UNC13C: variants seen among roughly 807,000 people sequenced by gnomAD.
UNC13C encodes the protein unc-13 homolog C, also known as protein unc-13 homolog C.
In UNC13C, 174 loss-of-function variants were observed where a neutral mutation model predicts 245.4. The ratio of observed to expected loss-of-function variants is 0.71; its 90% CI spans 0.63 to 0.80. UNC13C has a LOEUF of 0.80. Ranked by LOEUF, UNC13C falls within the 30% of genes least tolerant of loss-of-function variation. UNC13C has a pLI of 0.00. For missense variants in UNC13C, 2,829 were observed against 2,602.9 expected (o/e 1.09, Z -1.89); for synonymous variants, 992 against 895.1 (o/e 1.11, Z -1.93).
chr15:54,448,723 T>C (rs1245236036), intron 19 of UNC13C, among the ~76,000 whole-genome samples: 1 of 152,236 alleles, frequency 6.6e-6, no homozygotes. Flanking sequence ...CTTGATTCTC[T>C]ATCCAATTTG....
chr15:54,137,787 ATCTT>A, intron 2 of UNC13C, among the ~76,000 whole-genome samples: 1 of 152,056 alleles, frequency 6.6e-6, no homozygotes, highest in African/African-American at 2.4e-5. Flanking sequence ...AGTTTCATCT[ATCTT>A]TTCCATTGTC....
At chr15:54,007,467 G>A (rs768676058) in intron 1 of UNC13C, among the ~76,000 whole-genome samples, 3 of 152,132 alleles carry the variant, frequency 2.0e-5, no homozygotes, top group Non-Finnish European at 4.4e-5. Flanking sequence ...GCAGGGACAT[G>A]GATGAAGGTG....
chr15:53,954,575 A>T, the UNC13C span, among the ~76,000 whole-genome samples: 23 of 152,264 alleles, frequency 1.5e-4, no homozygotes, highest in Middle Eastern at 0.01. Flanking sequence ...CCAACATTAG[A>T]TGTCACCGTA....
intron 8 of UNC13C, among the ~76,000 whole-genome samples, chr15:54,259,344 A>T (rs2036363884): frequency 1.3e-5 from 2 of 152,230 alleles, no homozygotes; most frequent in Non-Finnish European, 2.9e-5. Context: ...AGGGTAATTT[A>T]TAAAGAAAAG....
the UNC13C span, among the ~76,000 whole-genome samples, chr15:53,949,629 AG>A: frequency 6.6e-6 from 1 of 152,194 alleles, no homozygotes; most frequent in Non-Finnish European, 1.5e-5. Flanking sequence ...TGAGCACACC[AG>A]GACTCTGAGA....
chr15:54,486,078 A>C (rs932584425), intron 19 of UNC13C, among the ~76,000 whole-genome samples: 5 of 152,104 alleles, frequency 3.3e-5, no homozygotes, highest in African/African-American at 1.2e-4. Flanking sequence ...TGGCAGGGAC[A>C]CCGTGTCTTT....
At chr15:53,838,821 A>C in the UNC13C span, among the ~76,000 whole-genome samples, 1 of 152,030 alleles carries the variant, frequency 6.6e-6, no homozygotes, top group African/African-American at 2.4e-5. Context: ...ATAAATTACC[A>C]GTAAGTCCTA....
At chr15:54,185,250 G>T (rs2033938231) in intron 4 of UNC13C, among the ~76,000 whole-genome samples, 1 of 151,944 alleles carries the variant, frequency 6.6e-6, no homozygotes, top group Admixed American at 6.5e-5. Flanking sequence ...GGTTTCTTTT[G>T]CTGTGCAGAA....
chr15:53,955,682 GA>G, the UNC13C span: 1 of 152,154 alleles, frequency 6.6e-6, no homozygotes, highest in Admixed American at 6.6e-5. Flanking sequence ...ATGGAAAATA[GA>G]GTGTACAGAA....
the UNC13C span, among the ~76,000 whole-genome samples, chr15:53,962,941 A>G: frequency 2.0e-5 from 3 of 152,186 alleles, no homozygotes; most frequent in African/African-American, 7.2e-5. Context: ...CTTAGAAATC[A>G]AAGGTGCCAA....
intron 19 of UNC13C, among the ~76,000 whole-genome samples, chr15:54,420,233 G>A (rs955515057): frequency 1.3e-5 from 2 of 151,916 alleles, no homozygotes; most frequent in Non-Finnish European, 2.9e-5. Flanking sequence ...TTGAAGAACT[G>A]ATGGGCTGGG....
intron 22 of UNC13C, among the ~76,000 whole-genome samples, chr15:54,504,863 TG>T (rs1159383961): frequency 6.6e-6 from 1 of 152,078 alleles, no homozygotes; most frequent in African/African-American, 2.4e-5. Context: ...CCTAACAGGG[TG>T]GCATTAGCTC....
intron 2 of UNC13C, among the ~76,000 whole-genome samples, chr15:54,057,653 T>C (rs1174288758): frequency 6.6e-6 from 1 of 152,182 alleles, no homozygotes; most frequent in Non-Finnish European, 1.5e-5. Context: ...ATCAACAGAA[T>C]ATACATTCTT....
intron 11 of UNC13C, 126 bp downstream of exon 11, chr15:54,294,190 G>T: frequency 1.2e-6 from 1 of 806,422 alleles, no homozygotes; most frequent in Non-Finnish European, 1.8e-6. Context: ...TTGAACTTTA[G>T]ATGATTCATT....
At position 54,294,064 on chromosome 15, in the gene UNC13C, G is replaced by A; in HGVS notation, c.3988G>A (p.Glu1330Lys). Residue 1330 changes from glutamate (E) to lysine (K), a missense_variant and splice_region_variant, in exon 11 of 33, where the codon GAG (glutamate) becomes AAG (lysine). Glu to Lys is a moderately conservative substitution (Grantham distance 56). Coordinates refer to ENST00000260323, the MANE Select transcript of UNC13C (RefSeq NM_001080534.3). ...AGAAATGGATGTCTGGTACAACTTA[G>A]GTGATTTTTTTTTTTATCTACTTGA... ...SGEMDVWYNL[E>K]KRTDKSAVSG... 1 of 1,520,594 alleles carries A rather than the reference G, an allele frequency of 6.6e-7. No homozygotes were observed. Among genetic ancestry groups the A allele is most frequent in the Non-Finnish European group, 8.8e-7 (1 of 1,140,242 alleles). 94.2% of individuals were successfully genotyped at this position (1,520,594 alleles called of 1,614,324 possible). A position where few individuals can be genotyped will look rare whatever the true frequency, so the allele number is the denominator to read the frequency against.
the UNC13C span, among the ~76,000 whole-genome samples, chr15:53,888,054 G>A: frequency 0.052 from 7,952 of 152,134 alleles, 264 homozygotes; most frequent in Middle Eastern, 0.15. Context: ...TTTATAATCC[G>A]TTGGGTCCAT....
At chr15:54,112,061 G>A (rs1384501974) in intron 2 of UNC13C, among the ~76,000 whole-genome samples, 1 of 152,118 alleles carries the variant, frequency 6.6e-6, no homozygotes, top group Admixed American at 6.5e-5. Flanking sequence ...AGGGGCACAG[G>A]TATAGTTAGG....
chr15:54,528,363 G>A (rs1167996698), intron 25 of UNC13C, among the ~76,000 whole-genome samples: 1 of 149,938 alleles, frequency 6.7e-6, no homozygotes, highest in Non-Finnish European at 1.5e-5. Flanking sequence ...AGTACTAGAG[G>A]CTGGCTAGAT....
intron 17 of UNC13C, among the ~76,000 whole-genome samples, chr15:54,374,460 T>C (rs1182940371): frequency 6.6e-6 from 1 of 152,154 alleles, no homozygotes; most frequent in Non-Finnish European, 1.5e-5. Context: ...AGCTGGCATT[T>C]CTGCACCACC....
Sources: allele counts gnomAD v4.1 joint callset (sites outside exome capture counted in the v4.1 genomes callset), GRCh38; gene constraint gnomAD v4.1.1; transcripts MANE v1.5; gene names NCBI Gene and HGNC (gene_info 2026-07-23, HGNC 2026-07-21).